Variants in FADS2 observed in about 807,000 individuals in gnomAD.
FADS2 encodes the protein acyl-CoA 6-desaturase.
Under a neutral mutation model 61.2 loss-of-function variants are expected in FADS2, and 18 were observed. That is an observed-to-expected ratio of 0.29 (90% CI 0.20 to 0.44). The LOEUF (loss-of-function observed/expected upper bound fraction) is 0.44. Ranked by LOEUF, FADS2 falls within the 20% of genes least tolerant of loss-of-function variation. The pLI, the probability that FADS2 is intolerant of heterozygous loss-of-function variation, is 1.00. For missense variants in FADS2, 322 were observed against 572.7 expected (o/e 0.56, Z 4.47); for synonymous variants, 203 against 223.9 (o/e 0.91, Z 0.83).
intron 1 of FADS2, among the ~76,000 whole-genome samples, chr11:61,817,805 G>T (rs2067000241): frequency 6.6e-6 from 1 of 152,174 alleles, no homozygotes; most frequent in African/African-American, 2.4e-5. Flanking sequence ...CCAGAGTTTA[G>T]GTCCAAAATT....
Position 61,816,256 on chromosome 11 carries a change from A to C in FADS2, c.-30A>C. On this transcript the variant is annotated 5_prime_UTR_variant, in exon 1 of 12. Transcript: ENST00000257261. This position sits in a 1 kb window ranked among gnomAD's most constrained non-coding sequence, Gnocchi z 7.0. Reference sequence around the variant, plus strand: ...CCAGCTCGGGGTTCTGTCCCCGCCCAGAGACCTGAGGCTCGGGGCTGCAGA... The same window carrying C: ...CCAGCTCGGGGTTCTGTCCCCGCCCCGAGACCTGAGGCTCGGGGCTGCAGA... The C allele has an allele frequency of 6.3e-7, 1 of 1,597,602 alleles. No homozygotes were observed. The highest frequency in any genetic ancestry group is 8.5e-7 in the Non-Finnish European group (1 of 1,179,366).
At position 61,848,295 on chromosome 11, in the gene FADS2, G is replaced by A. The variant is rs746142255; in HGVS notation, c.744+11G>A. ...TGGCAGCCCATCGAGGTACGACTAAGAGGATGGTGTTGACCTAGGAAGTGT... is the reference window on the plus strand; with the variant it reads ...TGGCAGCCCATCGAGGTACGACTAAAAGGATGGTGTTGACCTAGGAAGTGT... On this transcript the variant is annotated intron_variant, in intron 5 of 11. Coordinates refer to ENST00000278840, the MANE Select transcript of FADS2 (RefSeq NM_004265.4). The A allele has an allele frequency of 1.1e-5, 17 of 1,612,452 alleles. No individual in the cohort carries two copies. The South Asian group carries it at 1.9e-4, about 18-fold the overall frequency.
At chr11:61,822,898 A>T (rs966147656) in intron 1 of FADS2, among the ~76,000 whole-genome samples, 3 of 152,198 alleles carry the variant, frequency 2.0e-5, no homozygotes, top group African/African-American at 7.2e-5. Context: ...TTGTATATAG[A>T]TATTGGTTTC....
chr11:61,861,371 A>AC (rs1555078397), intron 7 of FADS2, among the ~76,000 whole-genome samples: 2 of 106,458 alleles, frequency 1.9e-5, no homozygotes, highest in Non-Finnish European at 4.3e-5. Context: ...AAAAAAAAAA[A>AC]CAGAAATTAG....
At chr11:61,834,240 A>G (rs186682961) in intron 1 of FADS2, among the ~76,000 whole-genome samples, 2 of 152,314 alleles carry the variant, frequency 1.3e-5, no homozygotes, top group East Asian at 1.9e-4. Flanking sequence ...CACACTGACC[A>G]TGGGCAAGGA....
chr11:61,864,109 G>A (rs892746070), intron 10 of FADS2: 12 of 308,424 alleles, frequency 3.9e-5, no homozygotes, highest in African/African-American at 1.3e-4. Flanking sequence ...TAGCAGGGCA[G>A]GGCTACGTAG....
intron 2 of FADS2, 37 bp from the exon 3 acceptor site, chr11:61,840,297 G>C: frequency 6.4e-7 from 1 of 1,552,254 alleles, no homozygotes; most frequent in Non-Finnish European, 8.9e-7. Flanking sequence ...CAGAGTGGCT[G>C]GTGGCTGACT....
At chr11:61,846,411 T>C (rs1565332248) in intron 4 of FADS2, among the ~76,000 whole-genome samples, 1 of 135,244 alleles carries the variant, frequency 7.4e-6, no homozygotes, top group South Asian at 2.2e-4. Context: ...TCTCTGACTT[T>C]TTTTTTTTTT....
chr11:61,826,036 T>C (rs1189462775), upstream of FADS2: 1 of 702,136 alleles, frequency 1.4e-6, no homozygotes, highest in South Asian at 1.5e-5. Flanking sequence ...CCCCAGTTTC[T>C]CCCGTACATC....
At chr11:61,858,617 G>T (rs748929147) in intron 7 of FADS2, among the ~76,000 whole-genome samples, 6 of 148,172 alleles carry the variant, frequency 4.0e-5, no homozygotes, top group Non-Finnish European at 1.5e-5. Flanking sequence ...ATGGTGTTTC[G>T]CTCTGTCGCC....
chr11:61,837,905 AC>A lies in FADS2; in HGVS notation c.318+19del, dbSNP rs1358510129. The A allele has an allele frequency of 6.3e-7, 1 of 1,581,574 alleles. No individual in the cohort carries two copies. The highest frequency in any genetic ancestry group is 8.7e-7 in the Non-Finnish European group (1 of 1,153,262). On this transcript the variant is annotated intron_variant, in intron 2 of 11. Transcript: ENST00000278840. ...GGCAAGAACGTAAGTCTGGCTTGCA[AC>A]CTGGGTGGGGGTGGAGACGAGGCTG...
chr11:61,849,166 A>G (rs192577903), intron 5 of FADS2, among the ~76,000 whole-genome samples: 381 of 152,326 alleles, frequency 2.5e-3, no homozygotes, highest in Non-Finnish European at 4.5e-3. Flanking sequence ...AAGTGCTGGT[A>G]TTACAGGCAT....
chr11:61,826,335 G>A (rs1042356614), upstream of FADS2: 1 of 702,546 alleles, frequency 1.4e-6, no homozygotes, highest in Non-Finnish European at 2.6e-6. Flanking sequence ...CCAGGCCCTG[G>A]CCGGTCCACG....
upstream of FADS2, chr11:61,828,037 C>G: frequency 8.6e-7 from 1 of 1,158,994 alleles, no homozygotes; most frequent in Non-Finnish European, 1.1e-6. This position sits in a 1 kb window ranked among gnomAD's most constrained non-coding sequence, Gnocchi z 6.4. Flanking sequence ...GGATGTGGAA[C>G]CCGAGGCGGG....
chr11:61,834,648 C>T (rs2067155922), intron 1 of FADS2, among the ~76,000 whole-genome samples: 1 of 152,156 alleles, frequency 6.6e-6, no homozygotes, highest in African/African-American at 2.4e-5. Context: ...TATTTGCAAG[C>T]CATTGAGTCT....
chr11:61,848,129 T>TG, intron 4 of FADS2, 30 bp from the exon 5 acceptor site: 1 of 1,613,844 alleles, frequency 6.2e-7, no homozygotes, highest in Non-Finnish European at 8.5e-7. Context: ...GTGGCTTGCA[T>TG]GGCTCATCCC....
At chr11:61,846,997 T>C (rs555484323) in intron 4 of FADS2, 2 of 151,988 alleles carry the variant, frequency 1.3e-5, no homozygotes, top group African/African-American at 4.8e-5. Context: ...TCTCCCAGGC[T>C]GGAGTGCAGT....
chr11:61,864,671 A>G (rs2067446939), intron 10 of FADS2, among the ~76,000 whole-genome samples: 1 of 152,174 alleles, frequency 6.6e-6, no homozygotes, highest in African/African-American at 2.4e-5. Context: ...CTGGGATTAC[A>G]GGTGTGAGCC....
chr11:61,863,479 G>A (rs908430129), intron 9 of FADS2, 101 bp downstream of exon 9: 12 of 945,818 alleles, frequency 1.3e-5, no homozygotes, highest in South Asian at 5.7e-5. Flanking sequence ...TGGGCCTCCC[G>A]GGGCTGCCTG....
Sources: gnomAD v4.1 joint callset for allele counts (sites outside exome capture counted in the v4.1 genomes callset) on GRCh38, gnomAD v4.1.1 for gene constraint, Gnocchi (gnomAD v3.1) non-coding constraint, MANE v1.5 for transcripts, NCBI Gene and HGNC (gene_info 2026-07-23, HGNC 2026-07-21) for gene names.